DOCK8: variants seen among roughly 807,000 people sequenced by gnomAD.
The protein encoded by DOCK8 is dedicator of cytokinesis protein 8.
Under a neutral mutation model 245.6 loss-of-function variants are expected in DOCK8, and 141 were observed. The ratio of observed to expected loss-of-function variants is 0.57; its 90% confidence interval spans 0.50 to 0.66. The LOEUF is 0.66. Ranked by LOEUF, DOCK8 falls within the 30% of genes least tolerant of loss-of-function variation. The pLI is 0.00. For missense variants in DOCK8, 2,965 were observed against 2,603.4 expected, an observed-to-expected ratio of 1.14 and a Z score of -3.02; for synonymous variants, 1,168 against 970.2, an observed-to-expected ratio of 1.20 and a Z score of -3.79.
In DOCK8 at chr9:289,499, T is replaced by A. The variant is rs1268495135; in HGVS notation, c.333-11T>A. ...GTAATAACGTGTTTATTTCATTTTC[T>A]ACCTCATTAGGGTTGAACTGGACCC... On this transcript the variant is annotated splice_polypyrimidine_tract_variant and intron_variant, in intron 3 of 47. Transcript: ENST00000432829. The A allele has an allele frequency of 8.1e-6, 13 of 1,611,986 alleles. No homozygotes were observed. Among genetic ancestry groups the A allele is most frequent in the Non-Finnish European group, 1.1e-5 (13 of 1,178,236 alleles).
In DOCK8 at chr9:400,265, C is replaced by T. The variant is rs1224996959; in HGVS notation, c.3234+1006C>T. 5.2e-3 allele frequency among the ~76,000 whole-genome samples: 396 copies of T among 75,576 alleles called. 2 individuals are homozygous for T. Among genetic ancestry groups the T allele is most frequent in the African/African-American group, 0.039 (340 of 8,676 alleles). The allele number at this position is 75,576 out of a possible 152,430, so 49.6% of individuals were successfully genotyped here. ...ACCACCTCCACCATCACCACCACCT[C>T]CACCATCACCACCACTTCCTTCACC... On this transcript the variant is annotated intron_variant, in intron 26 of 47. Transcript: ENST00000432829.
At chr9:459,076 C>G (rs2057728901) in intron 46 of DOCK8, among the ~76,000 whole-genome samples, 1 of 152,164 alleles carries the variant, frequency 6.6e-6, no homozygotes, top group Non-Finnish European at 1.5e-5. Context: ...AAGGGAGCAT[C>G]AGAGGATGTG....
chr9:409,064 A>G (rs1462390570), intron 28 of DOCK8, among the ~76,000 whole-genome samples: 1 of 152,120 alleles, frequency 6.6e-6, no homozygotes, highest in Non-Finnish European at 1.5e-5. Context: ...AACCTCAGAA[A>G]AATGTCATGC....
intron 2 of DOCK8, among the ~76,000 whole-genome samples, chr9:282,413 GT>G (rs58014606): frequency 1.4e-3 from 187 of 131,724 alleles, no homozygotes; most frequent in Middle Eastern, 4.0e-3. Flanking sequence ...GTTTCGTTTT[GT>G]TTTTTTTTTT....
At chr9:314,041 A>C (rs2050241084) in intron 6 of DOCK8, among the ~76,000 whole-genome samples, 1 of 152,202 alleles carries the variant, frequency 6.6e-6, no homozygotes, top group Non-Finnish European at 1.5e-5. Context: ...TTCAAGATTC[A>C]ACAGATAAAT....
intron 2 of DOCK8, among the ~76,000 whole-genome samples, chr9:276,116 T>A (rs1022683170): frequency 7.1e-6 from 1 of 141,570 alleles, no homozygotes; most frequent in Non-Finnish European, 1.6e-5. Flanking sequence ...GTCTTGAACT[T>A]CTGACCTCAG....
chr9:230,721 A>G (rs182083791), intron 1 of DOCK8, among the ~76,000 whole-genome samples: 5,861 of 143,794 alleles, frequency 0.041, 175 homozygotes, highest in African/African-American at 0.059. Flanking sequence ...GTTTGTTCAT[A>G]TCCTTCGCCC....
chr9:268,861 C>G (rs2129897724), intron 1 of DOCK8, among the ~76,000 whole-genome samples: 1 of 152,294 alleles, frequency 6.6e-6, no homozygotes. Context: ...GTTGCTCATG[C>G]AATATAGACC....
At chr9:457,177 A>G (rs1007547208) in intron 46 of DOCK8, 2 of 152,020 alleles carry the variant, frequency 1.3e-5, no homozygotes, top group African/African-American at 4.8e-5. Flanking sequence ...ATAGCTGGAA[A>G]TGGGGAAATG....
chr9:231,481 T>C (rs902154069), intron 1 of DOCK8, among the ~76,000 whole-genome samples: 2 of 152,198 alleles, frequency 1.3e-5, no homozygotes, highest in African/African-American at 4.8e-5. Context: ...AATCTCTAAA[T>C]TACCTTGGGC....
chr9:444,365 T>TAATAATAATAA (rs57457383), intron 43 of DOCK8, among the ~76,000 whole-genome samples: 4 of 150,082 alleles, frequency 2.7e-5, no homozygotes, highest in Non-Finnish European at 4.4e-5. Flanking sequence ...ATAATAATAA[T>TAATAATAATAA]TTGGGAGTTT....
upstream of DOCK8, chr9:214,207 A>G (rs1044112727): frequency 2.5e-6 from 1 of 392,220 alleles, no homozygotes; most frequent in Non-Finnish European, 4.6e-6. Context: ...GCTTCTTAGC[A>G]GACCTCAGTC....
intron 1 of DOCK8, among the ~76,000 whole-genome samples, chr9:234,848 T>C (rs555347924): frequency 5.5e-4 from 84 of 152,250 alleles, no homozygotes; most frequent in Non-Finnish European, 1.1e-3. Flanking sequence ...TTGAATTTCC[T>C]CCTGTAGCTC....
intron 2 of DOCK8, among the ~76,000 whole-genome samples, chr9:275,775 G>C (rs1377410058): frequency 6.6e-6 from 1 of 152,050 alleles, no homozygotes; most frequent in African/African-American, 2.4e-5. Context: ...TTTTAGTAGA[G>C]ACAGGGTTTC....
In DOCK8 at chr9:381,916, T is replaced by C. The variant is rs556375891; in HGVS notation, c.2606-597T>C. On this transcript the variant is annotated intron_variant, in intron 21 of 47. Coordinates refer to ENST00000432829, the MANE Select transcript of DOCK8 (RefSeq NM_203447.4). ...CGGAGGTTGCAGTGAGCTGAGATCA[T>C]GCCACTGCACTCCAGCCTGGAGGAC... Among the ~76,000 whole-genome samples the C allele has an allele frequency of 4.0e-5, 6 of 151,302 alleles. No individual in the cohort carries two copies. In the South Asian group the frequency reaches 1.3e-3, roughly 32 times the overall value.
At chr9:215,209 G>T in intron 1 of DOCK8, 180 bp downstream of exon 1, 1 of 1,529,186 alleles carries the variant, frequency 6.5e-7, no homozygotes, top group African/African-American at 1.4e-5. Flanking sequence ...ACGCGCGGCG[G>T]CTCCTGCGCT....
rs1586985666 is a variant in DOCK8 at position 422,049 on chromosome 9, G to T, written c.4155G>T (p.Gly1385=). 2 of 1,613,676 alleles carry T rather than the reference G, an allele frequency of 1.2e-6. No homozygotes were observed. The highest frequency in any genetic ancestry group is 1.7e-6 in the Non-Finnish European group (2 of 1,179,790). The change falls in exon 33 of 48, where the codon GGG becomes GGT. Residue 1385 remains glycine (G), a splice_region_variant and synonymous_variant. Transcript: ENST00000432829. ...RGEMMRRRAP[G]NDRFPGLNEN... is the part of the protein sequence containing the mutation. ...TATCATGCATTTCTTAACTCCTAGG[G>T]AACGACCGATTTCCAGGCCTAAATG...
At chr9:285,185 T>G (rs151312647) in intron 2 of DOCK8, among the ~76,000 whole-genome samples, 83 of 152,248 alleles carry the variant, frequency 5.5e-4, no homozygotes, top group Non-Finnish European at 9.9e-4. Context: ...TCATGTCTCC[T>G]CCATCATCAG....
intron 11 of DOCK8, among the ~76,000 whole-genome samples, chr9:335,879 G>A (rs2051285067): frequency 2.0e-5 from 3 of 152,256 alleles, no homozygotes; most frequent in South Asian, 4.1e-4. Flanking sequence ...ACTCAAAGAC[G>A]GGTTGGAACT....
Sources: allele counts gnomAD v4.1 joint callset (sites outside exome capture counted in the v4.1 genomes callset), GRCh38; gene constraint gnomAD v4.1.1; transcripts MANE v1.5; gene names NCBI Gene and HGNC (gene_info 2026-07-23, HGNC 2026-07-21).